The following PTPRD variants were observed in gnomAD, a reference collection of about 807,000 sequenced individuals.
PTPRD encodes protein tyrosine phosphatase receptor type D.
In PTPRD, 34 loss-of-function variants were observed where a neutral mutation model predicts 214.5. The observed-to-expected ratio is 0.16, with a 90% confidence interval of 0.12 to 0.21. The LOEUF (loss-of-function observed/expected upper bound fraction) is 0.21. Among genes scored for constraint, PTPRD ranks in the 10% least tolerant of loss-of-function variants. PTPRD has a pLI of 1.00. For synonymous variants in PTPRD, 1,128 were observed against 845.7 expected (o/e 1.33, Z -5.79); for missense variants, 2,545 against 2,398.7 (o/e 1.06, Z -1.27).
intron 5 of PTPRD, among the ~76,000 whole-genome samples, chr9:9,802,418 T>C (rs913490316): frequency 6.6e-6 from 1 of 151,940 alleles, no homozygotes; most frequent in Non-Finnish European, 1.5e-5. Flanking sequence ...TGCACTACCT[T>C]ATATTAGGCC....
intron 32 of PTPRD, among the ~76,000 whole-genome samples, chr9:8,461,771 G>A (rs896839864): frequency 3.9e-5 from 6 of 151,930 alleles, no homozygotes; most frequent in Admixed American, 2.6e-4. Flanking sequence ...GCCCTGCTGA[G>A]TTAATTATCT....
intron 3 of PTPRD, among the ~76,000 whole-genome samples, chr9:10,049,015 G>A (rs960265813): frequency 3.9e-5 from 6 of 152,080 alleles, no homozygotes; most frequent in African/African-American, 1.4e-4. Context: ...GAGAGCTGCA[G>A]TCCTTGAACT....
At chr9:8,566,899 G>A (rs1464044290) in intron 14 of PTPRD, among the ~76,000 whole-genome samples, 2 of 152,076 alleles carry the variant, frequency 1.3e-5, no homozygotes, top group Admixed American at 6.6e-5. Flanking sequence ...CTGGTCATCA[G>A]TCCTGGTTGC....
At chr9:9,888,102 T>G (rs2071670007) in intron 5 of PTPRD, among the ~76,000 whole-genome samples, 1 of 152,168 alleles carries the variant, frequency 6.6e-6, no homozygotes, top group South Asian at 2.1e-4. Flanking sequence ...GCCATTCCTC[T>G]CCCTTCAGTC....
At chr9:9,408,729 G>T (rs1331134174) in intron 8 of PTPRD, among the ~76,000 whole-genome samples, 2 of 151,652 alleles carry the variant, frequency 1.3e-5, no homozygotes, top group Non-Finnish European at 1.5e-5. Context: ...TTAGATTTTG[G>T]GCTGTTTTTC....
intron 2 of PTPRD, among the ~76,000 whole-genome samples, chr9:10,431,207 A>T (rs982625475): frequency 3.3e-5 from 5 of 151,970 alleles, no homozygotes; most frequent in African/African-American, 1.2e-4. Context: ...TCACTGTTTG[A>T]AAGGTTTCTT....
intron 9 of PTPRD, among the ~76,000 whole-genome samples, chr9:9,208,093 C>A (rs568700172): frequency 3.8e-4 from 50 of 131,918 alleles, no homozygotes; most frequent in South Asian, 3.4e-3. Flanking sequence ...GATCTCACTG[C>A]AAGCTCCGCC....
Position 10,159,394 on chromosome 9 carries a change from GA to G in PTPRD, c.-544-125605del, listed in dbSNP as rs969287481. Among the ~76,000 whole-genome samples, 82 of 149,414 alleles carry G rather than the reference GA, an allele frequency of 5.5e-4. 1 individual carries two copies. Among genetic ancestry groups the G allele is most frequent in the African/African-American group, 1.9e-3 (77 of 40,828 alleles). On this transcript the variant is annotated intron_variant, in intron 3 of 45. Coordinates refer to ENST00000381196, the MANE Select transcript of PTPRD (RefSeq NM_002839.4). ...AATATATCTAAGCAAATATAGTCAG[GA>G]AAAAAAAAGCCAGGCAGAGAAGTCT...
chr9:8,491,297 T>G (rs1437829234), intron 27 of PTPRD, among the ~76,000 whole-genome samples: 2 of 152,192 alleles, frequency 1.3e-5, no homozygotes, highest in African/African-American at 4.8e-5. Flanking sequence ...AAATGTCTAC[T>G]GCATGGTAAA....
At chr9:9,612,588 A>C (rs1228514923) in intron 7 of PTPRD, among the ~76,000 whole-genome samples, 3 of 152,154 alleles carry the variant, frequency 2.0e-5, no homozygotes, top group Non-Finnish European at 4.4e-5. Flanking sequence ...CCACTTCAAA[A>C]ATTGAGATGC....
chr9:9,364,934 C>T (rs2057431988), intron 9 of PTPRD, among the ~76,000 whole-genome samples: 1 of 151,408 alleles, frequency 6.6e-6, no homozygotes, highest in African/African-American at 2.4e-5. Flanking sequence ...ACTGGAGCAG[C>T]AGCAGAGAAG....
At chr9:10,461,346 T>C (rs908639612) in intron 2 of PTPRD, among the ~76,000 whole-genome samples, 4 of 151,846 alleles carry the variant, frequency 2.6e-5, no homozygotes, top group Admixed American at 1.3e-4. Context: ...AGAACTACCA[T>C]TCTAAGAAAA....
intron 4 of PTPRD, among the ~76,000 whole-genome samples, chr9:9,970,462 G>GA (rs147601049): frequency 0.34 from 49,601 of 143,988 alleles, 8,941 homozygotes; most frequent in Non-Finnish European, 0.39. Flanking sequence ...AAAAGAAAAA[G>GA]AAAAAAAAAA....
chr9:8,766,672 C>T (rs2094777681), intron 11 of PTPRD, among the ~76,000 whole-genome samples: 2 of 152,214 alleles, frequency 1.3e-5, no homozygotes, highest in South Asian at 2.1e-4. Context: ...ACATTTATTC[C>T]TTGATTTAAC....
chr9:8,873,176 T>G (rs780423989), intron 11 of PTPRD, among the ~76,000 whole-genome samples: 74 of 152,172 alleles, frequency 4.9e-4, no homozygotes, highest in Non-Finnish European at 8.5e-4. Flanking sequence ...TTATTCATCT[T>G]ACATCTTGCA....
chr9:10,431,081 C>T (rs1214153705), intron 2 of PTPRD, among the ~76,000 whole-genome samples: 2 of 151,938 alleles, frequency 1.3e-5, no homozygotes, highest in Non-Finnish European at 2.9e-5. Flanking sequence ...AAATCACAGA[C>T]AATGCAGACA....
chr9:9,796,703 T>C (rs1369053521), intron 5 of PTPRD, among the ~76,000 whole-genome samples: 2 of 152,070 alleles, frequency 1.3e-5, no homozygotes, highest in Non-Finnish European at 2.9e-5. Flanking sequence ...ATTTGGAAGG[T>C]AAAGTCGGAA....
chr9:10,096,539 T>C (rs2098486918), intron 3 of PTPRD, among the ~76,000 whole-genome samples: 1 of 151,988 alleles, frequency 6.6e-6, no homozygotes, highest in Non-Finnish European at 1.5e-5. Context: ...AATGTCTTCT[T>C]TTGAGAAGTG....
At chr9:9,529,581 G>A (rs1287669548) in intron 8 of PTPRD, among the ~76,000 whole-genome samples, 3 of 151,904 alleles carry the variant, frequency 2.0e-5, no homozygotes, top group Admixed American at 6.6e-5. Context: ...GAAAATCACA[G>A]TAAGATAGGA....
Sources: gnomAD v4.1 joint callset for allele counts (sites outside exome capture counted in the v4.1 genomes callset) on GRCh38, gnomAD v4.1.1 for gene constraint, MANE v1.5 for transcripts, NCBI Gene and HGNC (gene_info 2026-07-23, HGNC 2026-07-21) for gene names.